TTC7B: variants seen among roughly 807,000 people sequenced by gnomAD.
TTC7B encodes the protein tetratricopeptide repeat protein 7B.
In TTC7B, 28 loss-of-function variants were observed where a neutral mutation model predicts 106.8. The ratio of observed to expected loss-of-function variants is 0.26; its 90% CI spans 0.19 to 0.36. The LOEUF is 0.36. TTC7B is among the 10% of genes least tolerant of loss of function. The pLI is 1.00. For synonymous variants in TTC7B, 405 were observed against 430.6 expected (o/e 0.94, Z 0.74); for missense variants, 862 against 1,076.4 (o/e 0.80, Z 2.79).
intron 15 of TTC7B, 89 bp downstream of exon 15, chr14:90,643,959 G>T: frequency 6.8e-7 from 1 of 1,468,754 alleles, no homozygotes; most frequent in South Asian, 1.2e-5. Flanking sequence ...GTGTCCATGA[G>T]GGACTTAGAC....
At chr14:90,634,697 G>A (rs930504365) in intron 15 of TTC7B, among the ~76,000 whole-genome samples, 5 of 152,130 alleles carry the variant, frequency 3.3e-5, no homozygotes, top group African/African-American at 4.8e-5. Flanking sequence ...GCTTGAACCC[G>A]AGAGGCAGAG....
chr14:90,675,607 C>T (rs1762592723), intron 9 of TTC7B, among the ~76,000 whole-genome samples: 1 of 152,152 alleles, frequency 6.6e-6, no homozygotes, highest in South Asian at 2.1e-4. Flanking sequence ...GCCACACAGG[C>T]TCATCTGTTT....
intron 1 of TTC7B, among the ~76,000 whole-genome samples, chr14:90,812,874 TAC>T (rs2030974059): frequency 6.6e-6 from 1 of 152,194 alleles, no homozygotes; most frequent in Non-Finnish European, 1.5e-5. Flanking sequence ...GCTGGGGCAG[TAC>T]ACTCTGAAAG....
intron 9 of TTC7B, among the ~76,000 whole-genome samples, chr14:90,659,924 G>A (rs960632505): frequency 3.9e-5 from 6 of 152,114 alleles, no homozygotes; most frequent in Admixed American, 3.3e-4. Flanking sequence ...CCAGGTCCCC[G>A]GAACAAATGT....
chr14:90,659,949 GCCTT>G (rs1245367286), intron 9 of TTC7B, among the ~76,000 whole-genome samples: 1 of 152,198 alleles, frequency 6.6e-6, no homozygotes, highest in Non-Finnish European at 1.5e-5. Flanking sequence ...CTGCTGAGAG[GCCTT>G]CTCCTACAGA....
intron 19 of TTC7B, among the ~76,000 whole-genome samples, chr14:90,551,255 C>T (rs996505144): frequency 2.0e-5 from 3 of 152,170 alleles, no homozygotes; most frequent in Admixed American, 2.0e-4. Context: ...TGGTGCAGGG[C>T]CTGGCCCAGG....
Position 90,537,727 on chromosome 14 carries a change from G to A in TTC7B, c.*3641C>T, listed in dbSNP as rs79235197. ...TCACCTTCTTAGCGAGGCTTCCCTA[G>A]TCACCTTCTAAACAGCAGCCCTGCC... On this transcript the variant is annotated 3_prime_UTR_variant, in exon 20 of 20. Coordinates refer to ENST00000328459, the MANE Select transcript of TTC7B (RefSeq NM_001010854.2). 46,156 of 151,690 alleles carry A rather than the reference G, an allele frequency of 0.3. 7,241 individuals carry two copies. The highest frequency in any genetic ancestry group is 0.35 in the Admixed American group (5,334 of 15,244). 9.4% of individuals were successfully genotyped at this position (151,690 alleles called of 1,614,324 possible).
At chr14:90,658,223 T>C (rs999557605) in intron 10 of TTC7B, 81 bp downstream of exon 10, 12 of 1,206,834 alleles carry the variant, frequency 9.9e-6, no homozygotes, top group Non-Finnish European at 1.5e-5. Context: ...AAGTCTATCA[T>C]TCCGTGCAAT....
chr14:90,724,108 G>A (rs897608953), intron 5 of TTC7B, among the ~76,000 whole-genome samples: 1 of 151,260 alleles, frequency 6.6e-6, no homozygotes, highest in Non-Finnish European at 1.5e-5. Flanking sequence ...CCATCTGTAG[G>A]CATCTACACC....
intron 19 of TTC7B, among the ~76,000 whole-genome samples, chr14:90,561,052 C>T (rs980025559): frequency 2.0e-5 from 3 of 152,162 alleles, no homozygotes; most frequent in African/African-American, 7.2e-5. Flanking sequence ...GGGAGATCCC[C>T]GCAGGGATCG....
At chr14:90,544,158 G>A (rs1463121605) in intron 19 of TTC7B, among the ~76,000 whole-genome samples, 4 of 152,246 alleles carry the variant, frequency 2.6e-5, no homozygotes, top group Non-Finnish European at 5.9e-5. Flanking sequence ...CCTGGGTGAG[G>A]AGGAGGCGGA....
intron 17 of TTC7B, among the ~76,000 whole-genome samples, chr14:90,596,421 A>AGAT (rs1014296838): frequency 1.3e-5 from 2 of 152,338 alleles, no homozygotes; most frequent in African/African-American, 2.4e-5. Context: ...AAGGTCTGGC[A>AGAT]GATGATGATG....
At chr14:90,583,913 C>A (rs1009153678) in intron 18 of TTC7B, among the ~76,000 whole-genome samples, 2 of 152,190 alleles carry the variant, frequency 1.3e-5, no homozygotes, top group African/African-American at 4.8e-5. Flanking sequence ...AAAATCAGGG[C>A]CCTGCCGCCT....
At position 90,637,404 on chromosome 14, in the gene TTC7B, A is replaced by C. The variant is rs555623597; in HGVS notation, c.1751+6644T>G. On this transcript the variant is annotated intron_variant, in intron 15 of 19. Coordinates refer to ENST00000328459, the MANE Select transcript of TTC7B (RefSeq NM_001010854.2). ...ATCAGAAATCTTCCCACAGAGAAAA[A>C]CCCCCCCCCAGCCCCACATGGTTTT... is the stretch of plus-strand genomic sequence containing the variant. Among the ~76,000 whole-genome samples, 337 of 151,184 alleles carry C rather than the reference A, an allele frequency of 2.2e-3. 3 individuals are homozygous for C. The South Asian group carries it at 0.023, about 10-fold the overall frequency.
intron 5 of TTC7B, among the ~76,000 whole-genome samples, chr14:90,708,124 C>T (rs1235714177): frequency 3.3e-5 from 4 of 120,560 alleles, no homozygotes; most frequent in Admixed American, 1.1e-4. Context: ...CCAGCCCAGG[C>T]GACAGTGCGA....
At chr14:90,553,719 A>G (rs536124630) in intron 19 of TTC7B, among the ~76,000 whole-genome samples, 1 of 152,316 alleles carries the variant, frequency 6.6e-6, no homozygotes, top group South Asian at 2.1e-4. Flanking sequence ...GGGGCCTTGG[A>G]GGCATGGCGG....
chr14:90,760,057 C>G (rs1282424896), intron 3 of TTC7B, among the ~76,000 whole-genome samples: 1 of 152,096 alleles, frequency 6.6e-6, no homozygotes, highest in East Asian at 1.9e-4. Context: ...AATCTGAATG[C>G]CAAATTAGAT....
At chr14:90,579,176 T>C (rs1891383000) in intron 18 of TTC7B, among the ~76,000 whole-genome samples, 1 of 152,204 alleles carries the variant, frequency 6.6e-6, no homozygotes, top group South Asian at 2.1e-4. Context: ...GGCACCACCA[T>C]CTTTCTAGTC....
chr14:90,810,937 G>C (rs891645482), intron 1 of TTC7B, among the ~76,000 whole-genome samples: 3 of 152,218 alleles, frequency 2.0e-5, no homozygotes, highest in Admixed American at 1.3e-4. Context: ...GGCCAAAGTA[G>C]CCGAGGGAAG....
Sources: allele counts gnomAD v4.1 joint callset (sites outside exome capture counted in the v4.1 genomes callset), GRCh38; gene constraint gnomAD v4.1.1; transcripts MANE v1.5; gene names NCBI Gene and HGNC (gene_info 2026-07-23, HGNC 2026-07-21).